MUCL3: variants seen among roughly 807,000 people sequenced by gnomAD.
The protein encoded by MUCL3 is mucin like 3.
MUCL3 carries 42 observed loss-of-function variants against 70.2 expected under a neutral mutation model. The observed-to-expected ratio is 0.60, with a 90% confidence interval of 0.47 to 0.77. MUCL3 has a LOEUF of 0.77. Among genes scored for constraint, MUCL3 ranks in the 30% least tolerant of loss-of-function variants. The probability of loss-of-function intolerance (pLI) is 0.00; values close to 1 mark genes in which losing one functional copy is unlikely to be tolerated. For synonymous variants in MUCL3, 522 were observed against 647.0 expected, an observed-to-expected ratio of 0.81 and a Z score of 2.93; for missense variants, 1,429 against 1,670.0, an observed-to-expected ratio of 0.86 and a Z score of 2.52.
chr6:30,951,478 G>C lies in MUCL3; in HGVS notation c.3014G>C (p.Gly1005Ala). ...TCCCCAACAGAGTCTACAGAACATGGAGAAAGGACAGCCAATGAGAAGACC... is the reference window on the plus strand; with the variant it reads ...TCCCCAACAGAGTCTACAGAACATGCAGAAAGGACAGCCAATGAGAAGACC... Reference protein sequence around the residue: ...TTSPTESTEHGERTANEKTTP... With the variant: ...TTSPTESTEHAERTANEKTTP... Residue 1005 changes from glycine to alanine, a missense_variant, in exon 2 of 3, where the codon GGA (glycine) becomes GCA (alanine). Coordinates refer to ENST00000462446, the MANE Select transcript of MUCL3 (RefSeq NM_080870.4). 1 of 1,550,950 alleles carries C rather than the reference G, an allele frequency of 6.4e-7. No homozygotes were observed. The highest frequency in any genetic ancestry group is 8.7e-7 in the Non-Finnish European group (1 of 1,146,804).
intron 1 of MUCL3, among the ~76,000 whole-genome samples, chr6:30,947,023 C>T (rs1795807782): frequency 1.3e-5 from 2 of 152,134 alleles, no homozygotes; most frequent in South Asian, 2.1e-4. Context: ...ACTTTTCCTC[C>T]GTGAAATGTA....
At position 30,952,747 on chromosome 6, in the gene MUCL3, G is replaced by C. The variant is rs531143923; in HGVS notation, c.4036-224G>C. ...AAAGGGTGTGAAAGAGAAAGTGTGG[G>C]GGGTGGAGAGTCTGGGGTATGAGAA... On this transcript the variant is annotated intron_variant, in intron 2 of 2. Transcript: ENST00000462446. 9.2e-5 allele frequency among the ~76,000 whole-genome samples: 14 copies of C among 152,192 alleles called. No homozygotes were observed. In the East Asian group the frequency reaches 2.5e-3, roughly 27 times the overall value.
At chr6:30,952,913 T>A in intron 2 of MUCL3, 58 bp from the exon 3 acceptor site, 2 of 1,592,172 alleles carry the variant, frequency 1.3e-6, no homozygotes, top group African/African-American at 1.3e-5. Flanking sequence ...CTGAGGTGAG[T>A]GTTGTGGAAA....
Position 30,941,020 on chromosome 6 carries a change from C to T in MUCL3, c.21C>T (p.Ser7=). The T allele has an allele frequency of 6.4e-7, 1 of 1,550,416 alleles. No individual in the cohort carries two copies. The highest frequency in any genetic ancestry group is 1.2e-5 in the South Asian group (1 of 84,054). ...CCGACATGGCCCAGCCGGTCCACAG[C>T]CTCTGCTCCGCCTTTGGCCTCCAGT... The part of the protein sequence containing the change: MAQPVH[S]LCSAFGLQCC... The change falls in exon 1 of 3, where the codon AGC becomes AGT. Residue 7 remains serine (S), a synonymous_variant. Transcript: ENST00000462446.
intron 1 of MUCL3, among the ~76,000 whole-genome samples, chr6:30,944,304 CAG>C (rs1469227232): frequency 6.6e-6 from 1 of 151,518 alleles, no homozygotes; most frequent in Non-Finnish European, 1.5e-5. Flanking sequence ...CTTCTTTCGA[CAG>C]AGTCTCACTC....
At chr6:30,941,416 C>A (rs1381881078) in intron 1 of MUCL3, among the ~76,000 whole-genome samples, 1 of 151,666 alleles carries the variant, frequency 6.6e-6, no homozygotes, top group Non-Finnish European at 1.5e-5. Flanking sequence ...GAATTCACAG[C>A]TGCTCATGGT....
intron 2 of MUCL3, 83 bp from the exon 3 acceptor site, chr6:30,952,888 G>T: frequency 6.6e-7 from 1 of 1,524,622 alleles, no homozygotes. Flanking sequence ...GGAATCTTGA[G>T]AATAGAATCA....
At chr6:30,946,428 G>C (rs1416913332) in intron 1 of MUCL3, 1 of 152,300 alleles carries the variant, frequency 6.6e-6, no homozygotes, top group East Asian at 1.9e-4. Context: ...ATTCTTTAAG[G>C]CCAGTGGAAA....
chr6:30,941,186 G>A, intron 1 of MUCL3, 105 bp downstream of exon 1: 1 of 1,350,288 alleles, frequency 7.4e-7, no homozygotes, highest in South Asian at 1.3e-5. Flanking sequence ...GCACGGGGCT[G>A]CTACAGACAG....
In MUCL3 at chr6:30,941,012, G is replaced by A. The variant is rs1406346418; in HGVS notation, c.13G>A (p.Val5Ile). MAQP[V>I]HSLCSAFGLQ... ...ACCCAGCTCCGACATGGCCCAGCCG[G>A]TCCACAGCCTCTGCTCCGCCTTTGG... is the stretch of plus-strand genomic sequence containing the variant. Residue 5 changes from valine to isoleucine, a missense_variant, in exon 1 of 3, where the codon GTC (valine) becomes ATC (isoleucine). Transcript: ENST00000462446. 5 of 1,550,056 alleles carry A rather than the reference G, an allele frequency of 3.2e-6. No individual in the cohort carries two copies. Among genetic ancestry groups the A allele is most frequent in the Non-Finnish European group, 3.5e-6 (4 of 1,146,982 alleles).
In MUCL3 at chr6:30,951,746, T is replaced by C. The variant is rs1293414150; in HGVS notation, c.3282T>C (p.Asn1094=). The change falls in exon 2 of 3, where the codon AAT becomes AAC. Residue 1094 remains asparagine (N), a synonymous_variant. Transcript: ENST00000462446. ...TEHGAKTTSA[N]EKITPSLAKP... ...ATGGAGCAAAAACTACGTCGGCCAA[T>C]GAGAAGATCACACCATCCCTAGCAA... is the stretch of plus-strand genomic sequence containing the variant. 4 of 1,552,766 alleles carry C rather than the reference T, an allele frequency of 2.6e-6. No homozygotes were observed. Among genetic ancestry groups the C allele is most frequent in the South Asian group, 1.2e-5 (1 of 84,074 alleles).
chr6:30,951,576 C>A lies in MUCL3; in HGVS notation c.3112C>A (p.Pro1038Thr). 1.3e-6 allele frequency: 2 copies of A among 1,549,528 alleles called. No homozygotes were observed. Among genetic ancestry groups the A allele is most frequent in the Non-Finnish European group, 1.7e-6 (2 of 1,145,842 alleles). ...AGCCAATGAGAAGACCATACCATCT[C>A]CAGCAAAGCCTACAGAACACGAAGA... Reference protein sequence around the residue: ...PSANEKTIPSPAKPTEHEEMT... With the variant: ...PSANEKTIPSTAKPTEHEEMT... The change falls in exon 2 of 3, where the codon CCA (proline) becomes ACA (threonine). Residue 1038 changes from proline (P) to threonine (T), a missense_variant. Physicochemically the swap from Pro to Thr is conservative, Grantham distance 38. Coordinates refer to ENST00000462446, the MANE Select transcript of MUCL3 (RefSeq NM_080870.4).
intron 2 of MUCL3, 142 bp from the exon 3 acceptor site, chr6:30,952,829 G>C: frequency 1.7e-6 from 2 of 1,159,924 alleles, no homozygotes; most frequent in South Asian, 3.1e-5. Flanking sequence ...GATGGAGCTG[G>C]GACTCATTGT....
chr6:30,950,799 G>A lies in MUCL3; in HGVS notation c.2335G>A (p.Glu779Lys), dbSNP rs752489229. Reference sequence around the variant, plus strand: ...TGAGAAGACCACACCATCTCTAGCAGAGCCTACAGAAAATGGAAAAAGGAC... The same window carrying A: ...TGAGAAGACCACACCATCTCTAGCAAAGCCTACAGAAAATGGAAAAAGGAC... ...ANEKTTPSLA[E>K]PTENGKRTPF... is the part of the protein sequence containing the mutation. The change falls in exon 2 of 3, where the codon GAG becomes AAG. Residue 779 changes from glutamate (E) to lysine (K), a missense_variant. By Grantham distance (56) the Glu-to-Lys change is moderately conservative. Coordinates refer to ENST00000462446, the MANE Select transcript of MUCL3 (RefSeq NM_080870.4). 53 of 1,548,240 alleles carry A rather than the reference G, an allele frequency of 3.4e-5. No individual in the cohort carries two copies. In the African/African-American group the frequency reaches 6.0e-4, roughly 18 times the overall value.
chr6:30,952,613 T>A, intron 2 of MUCL3, 114 bp downstream of exon 2: 1 of 1,185,220 alleles, frequency 8.4e-7, no homozygotes, highest in Non-Finnish European at 1.2e-6. Context: ...ATGGCAGAAG[T>A]GGGAGGAACA....
rs773780783 is a variant in MUCL3, at chr6:30,952,244, T to C, written c.3780T>C (p.His1260=). The C allele has an allele frequency of 6.2e-7, 1 of 1,614,128 alleles. No homozygotes were observed. The highest frequency in any genetic ancestry group is 1.7e-5 in the Admixed American group (1 of 60,000). The change falls in exon 2 of 3, where the codon CAT becomes CAC. Residue 1260 remains histidine, a synonymous_variant. Coordinates refer to ENST00000462446, the MANE Select transcript of MUCL3 (RefSeq NM_080870.4). Reference sequence around the variant, plus strand: ...AATCTCTCACTACTACCTCTTCTCATCTAAATAAAACTGAAGTTACTCATC... The same window carrying C: ...AATCTCTCACTACTACCTCTTCTCACCTAAATAAAACTGAAGTTACTCATC... ...GDKSLTTTSS[H]LNKTEVTHQV...
chr6:30,949,679 G>C lies in MUCL3; in HGVS notation c.1215G>C (p.Arg405Ser). Reference sequence around the variant, plus strand: ...CAGAGCCTACAGAACATGGAGAAAGGACCCCATTTGCCAATGACAAAACCA... The same window carrying C: ...CAGAGCCTACAGAACATGGAGAAAGCACCCCATTTGCCAATGACAAAACCA... ...SPAEPTEHGE[R>S]TPFANDKTTS... Residue 405 changes from arginine (R) to serine (S), a missense_variant, in exon 2 of 3, where the codon AGG becomes AGC. Transcript: ENST00000462446. 1 of 1,545,010 alleles carries C rather than the reference G, an allele frequency of 6.5e-7. No homozygotes were observed. The highest frequency in any genetic ancestry group is 1.2e-5 in the South Asian group (1 of 83,864).
rs531374391 is a variant in MUCL3 at position 30,950,790 on chromosome 6, T to A, written c.2326T>A (p.Ser776Thr). The change falls in exon 2 of 3, where the codon TCT becomes ACT. Residue 776 changes from serine to threonine, a missense_variant. By Grantham distance (58) the Ser-to-Thr change is moderately conservative. Transcript: ENST00000462446. Reference protein sequence around the residue: ...TPLANEKTTPSLAEPTENGKR... With the variant: ...TPLANEKTTPTLAEPTENGKR... ...ATTGGCCAATGAGAAGACCACACCA[T>A]CTCTAGCAGAGCCTACAGAAAATGG... 1 of 1,543,940 alleles carries A rather than the reference T, an allele frequency of 6.5e-7. No individual in the cohort carries two copies. The highest frequency in any genetic ancestry group is 1.2e-5 in the South Asian group (1 of 83,822).
chr6:30,952,680 G>C, intron 2 of MUCL3, 181 bp downstream of exon 2: 3 of 820,366 alleles, frequency 3.7e-6, no homozygotes, highest in East Asian at 2.7e-5. Context: ...ATACACAGGA[G>C]GTAAAAAGCT....
Sources: allele counts gnomAD v4.1 joint callset (sites outside exome capture counted in the v4.1 genomes callset), GRCh38; gene constraint gnomAD v4.1.1; transcripts MANE v1.5; gene names NCBI Gene and HGNC (gene_info 2026-07-23, HGNC 2026-07-21).